CLVS1: variants seen among roughly 807,000 people sequenced by gnomAD.
CLVS1 encodes clavesin 1, also known as clavesin-1.
A neutral mutation model predicts 33.1 loss-of-function variants in CLVS1; 10 were observed. The observed-to-expected ratio is 0.30, with a 90% CI of 0.19 to 0.51. CLVS1 has a LOEUF of 0.51. CLVS1 is among the 20% of genes least tolerant of loss of function. The pLI, the probability that CLVS1 is intolerant of heterozygous loss-of-function variation, is 0.97. For synonymous variants in CLVS1, 163 were observed against 166.1 expected (o/e 0.98, Z 0.14); for missense variants, 343 against 433.4 (o/e 0.79, Z 1.85).
chr8:61,207,811 GA>G (rs1230993583), intron 2 of CLVS1, among the ~76,000 whole-genome samples: 5 of 152,256 alleles, frequency 3.3e-5, no homozygotes, highest in Admixed American at 2.6e-4. Context: ...TTTCAACCAC[GA>G]TTTTCAGCTC....
At chr8:61,050,330 A>G in the CLVS1 span, among the ~76,000 whole-genome samples, 1 of 152,056 alleles carries the variant, frequency 6.6e-6, no homozygotes, top group Non-Finnish European at 1.5e-5. Flanking sequence ...GGGGAGATGC[A>G]CCCTTGTGCT....
Position 61,088,444 on chromosome 8 carries a change from C to T in CLVS1, c.-243+31214C>T, listed in dbSNP as rs1585600829. ...GGCGGAGGTTGAAGTGAGCTGAGAT[C>T]GTGCCACTGCACTCCAGCCAAGGTA... On this transcript the variant is annotated intron_variant, in intron 1 of 2. Transcript: ENST00000522621. Among the ~76,000 whole-genome samples the T allele has an allele frequency of 2.0e-5, 3 of 146,364 alleles. No individual in the cohort carries two copies. In the South Asian group the frequency reaches 6.5e-4, roughly 32 times the overall value.
intron 2 of CLVS1, among the ~76,000 whole-genome samples, chr8:61,373,598 C>A (rs1268657558): frequency 3.3e-5 from 5 of 152,178 alleles, no homozygotes; most frequent in Admixed American, 1.3e-4. Flanking sequence ...TTAAGATCTT[C>A]AAAGTTAATT....
rs1554551260 is a variant in CLVS1 at position 61,261,994 on chromosome 8, G to GTGTGTA, written c.-151-37678_-151-37677insATGTGT. On this transcript the variant is annotated intron_variant, in intron 2 of 2. Coordinates refer to the CLVS1 transcript ENST00000522621. ...TTGCTGCGTGTGTGTGTGTGTGTGT[G>GTGTGTA]TGTGTGTGTGTGTGTGTGTGTGTGT... Among the ~76,000 whole-genome samples the GTGTGTA allele has an allele frequency of 3.8e-3, 516 of 134,342 alleles. 9 individuals are homozygous for GTGTGTA. Among genetic ancestry groups the GTGTGTA allele is most frequent in the African/African-American group, 0.014 (476 of 35,164 alleles). 88.1% of individuals were successfully genotyped at this position (134,342 alleles called of 152,430 possible).
intron 2 of CLVS1, among the ~76,000 whole-genome samples, chr8:61,178,483 G>A (rs1301885351): frequency 6.6e-6 from 1 of 152,100 alleles, no homozygotes; most frequent in Non-Finnish European, 1.5e-5. Flanking sequence ...TTCAAATTCA[G>A]GAAATACAGA....
chr8:61,089,651 G>A (rs895779653), intron 1 of CLVS1, among the ~76,000 whole-genome samples: 2 of 152,130 alleles, frequency 1.3e-5, no homozygotes, highest in Admixed American at 1.3e-4. Flanking sequence ...GGGCATGGCG[G>A]TTCACACCTG....
At chr8:61,000,889 C>A in the CLVS1 span, among the ~76,000 whole-genome samples, 2 of 152,116 alleles carry the variant, frequency 1.3e-5, no homozygotes, top group East Asian at 3.9e-4. Context: ...ATCAGGGAGT[C>A]CACTTCTGAA....
At chr8:61,071,879 T>C (rs955717905) in intron 1 of CLVS1, among the ~76,000 whole-genome samples, 1 of 152,092 alleles carries the variant, frequency 6.6e-6, no homozygotes, top group Admixed American at 6.6e-5. Flanking sequence ...GTTTAGAGGG[T>C]GTGGTTTCTG....
intron 2 of CLVS1, among the ~76,000 whole-genome samples, chr8:61,226,056 G>A (rs1808321797): frequency 6.6e-6 from 1 of 152,204 alleles, no homozygotes; most frequent in African/African-American, 2.4e-5. Context: ...TTTTATGTAA[G>A]CTTTTTAAGA....
chr8:61,013,592 A>G, the CLVS1 span, among the ~76,000 whole-genome samples: 1 of 152,232 alleles, frequency 6.6e-6, no homozygotes, highest in Non-Finnish European at 1.5e-5. Context: ...TGAAGAAATA[A>G]AAGATCATAC....
chr8:61,103,236 G>A (rs978085038), intron 1 of CLVS1, among the ~76,000 whole-genome samples: 2 of 152,148 alleles, frequency 1.3e-5, no homozygotes, highest in Non-Finnish European at 2.9e-5. Context: ...GGCCACTGGT[G>A]AAGATCTAGG....
intron 3 of CLVS1, among the ~76,000 whole-genome samples, chr8:61,400,761 G>A (rs182190259): frequency 6.3e-4 from 95 of 151,990 alleles, no homozygotes; most frequent in Middle Eastern, 3.4e-3. Context: ...GAATTTTATC[G>A]AAGGCCTTTT....
intron 2 of CLVS1, among the ~76,000 whole-genome samples, chr8:61,307,380 G>T (rs1365701409): frequency 2.0e-5 from 3 of 152,084 alleles, no homozygotes; most frequent in Non-Finnish European, 4.4e-5. Flanking sequence ...TAAACAATTT[G>T]ATTAGAGTCA....
the CLVS1 span, among the ~76,000 whole-genome samples, chr8:61,010,268 C>T: frequency 1.3e-5 from 2 of 152,172 alleles, no homozygotes; most frequent in Non-Finnish European, 2.9e-5. Context: ...GAGGCAGACT[C>T]GTTTGTCTTT....
intron 2 of CLVS1, among the ~76,000 whole-genome samples, chr8:61,328,582 CT>C (rs769579651): frequency 5.9e-5 from 9 of 151,678 alleles, no homozygotes; most frequent in Non-Finnish European, 1.2e-4. Context: ...TCATTTCTTT[CT>C]TCATTCAAAG....
At chr8:61,387,728 T>A (rs1433659504) in intron 3 of CLVS1, among the ~76,000 whole-genome samples, 1 of 152,186 alleles carries the variant, frequency 6.6e-6, no homozygotes, top group Non-Finnish European at 1.5e-5. Context: ...GAGCATACGA[T>A]GTTTGGCTTT....
At chr8:61,056,970 A>G (rs1049356290), upstream of CLVS1, among the ~76,000 whole-genome samples, 1 of 151,910 alleles carries the variant, frequency 6.6e-6, no homozygotes, top group African/African-American at 2.4e-5. Context: ...TAGTGGAGCT[A>G]CCTCTCCTCC....
intron 2 of CLVS1, among the ~76,000 whole-genome samples, chr8:61,333,046 C>T (rs1585814935): frequency 6.6e-6 from 1 of 152,266 alleles, no homozygotes; most frequent in East Asian, 1.9e-4. Context: ...CTGTTCTTGA[C>T]GATGTGAGTT....
At chr8:60,995,662 G>A in the CLVS1 span, among the ~76,000 whole-genome samples, 7 of 152,302 alleles carry the variant, frequency 4.6e-5, no homozygotes, top group African/African-American at 9.6e-5. Flanking sequence ...CCATTACTGG[G>A]TATATACCCA....
Sources: allele counts gnomAD v4.1 joint callset (sites outside exome capture counted in the v4.1 genomes callset), GRCh38; gene constraint gnomAD v4.1.1; transcripts MANE v1.5; gene names NCBI Gene and HGNC (gene_info 2026-07-23, HGNC 2026-07-21).